The following SEMA6D variants were observed in gnomAD, a reference collection of about 807,000 sequenced individuals.
The protein encoded by SEMA6D is semaphorin 6D.
In SEMA6D, 35 loss-of-function variants were observed where a neutral mutation model predicts 106.6. That is an observed-to-expected ratio of 0.33 (90% CI 0.25 to 0.44). The LOEUF (loss-of-function observed/expected upper bound fraction) is 0.44, where lower values mean the gene tolerates loss of function less well. SEMA6D is among the 20% of genes least tolerant of loss of function. The probability of loss-of-function intolerance (pLI) is 1.00; values close to 1 mark genes in which losing one functional copy is unlikely to be tolerated. For synonymous variants in SEMA6D, 499 were observed against 487.7 expected (o/e 1.02, Z -0.31); for missense variants, 1,185 against 1,345.9 (o/e 0.88, Z 1.87).
chr15:47,768,765 G>A lies in SEMA6D; in HGVS notation c.1933+17G>A, dbSNP rs1391506150. ...TCCCAAAGGGTAAGGCCTCAGCAGGGACCTCATCTCTAACTGCGTGGAAAC... is the reference window on the plus strand; with the variant it reads ...TCCCAAAGGGTAAGGCCTCAGCAGGAACCTCATCTCTAACTGCGTGGAAAC... On this transcript the variant is annotated intron_variant, in intron 18 of 18. Transcript: ENST00000536845. 1 of 1,605,354 alleles carries A rather than the reference G, an allele frequency of 6.2e-7. No individual in the cohort carries two copies. The highest frequency in any genetic ancestry group is 8.5e-7 in the Non-Finnish European group (1 of 1,174,866).
chr15:47,583,953 C>G (rs548159185), intron 3 of SEMA6D, among the ~76,000 whole-genome samples: 1 of 152,248 alleles, frequency 6.6e-6, no homozygotes, highest in East Asian at 1.9e-4. Flanking sequence ...TGCAGTCTCC[C>G]TGTCCTTCTC....
At chr15:47,759,265 A>G (rs1290893111) in intron 1 of SEMA6D, among the ~76,000 whole-genome samples, 1 of 152,158 alleles carries the variant, frequency 6.6e-6, no homozygotes, top group Non-Finnish European at 1.5e-5. Flanking sequence ...CACCATAAGC[A>G]AAGAGCTAAG....
At chr15:47,468,360 G>A (rs1267592072) in intron 2 of SEMA6D, among the ~76,000 whole-genome samples, 5 of 152,182 alleles carry the variant, frequency 3.3e-5, no homozygotes, top group Admixed American at 2.0e-4. Context: ...TGGTAAAATG[G>A]TGTGGAAACA....
At chr15:47,465,787 G>C (rs978295239) in intron 2 of SEMA6D, among the ~76,000 whole-genome samples, 6 of 152,090 alleles carry the variant, frequency 3.9e-5, no homozygotes, top group African/African-American at 1.4e-4. Flanking sequence ...CTGCAGACCT[G>C]AGTCAGTTAA....
At chr15:47,648,982 A>G (rs1596529709) in intron 4 of SEMA6D, among the ~76,000 whole-genome samples, 1 of 152,212 alleles carries the variant, frequency 6.6e-6, no homozygotes, top group South Asian at 2.1e-4. Flanking sequence ...TAGTACATCT[A>G]TATTTGTATT....
At chr15:47,370,683 T>TA (rs376454672) in intron 1 of SEMA6D, among the ~76,000 whole-genome samples, 13,876 of 94,954 alleles carry the variant, frequency 0.15, 1,254 homozygotes, top group African/African-American at 0.25. Context: ...CGTCTCTACT[T>TA]AAAAAAAAAA....
Position 47,773,591 on chromosome 15 carries a change from T to C in SEMA6D, c.*1806T>C, listed in dbSNP as rs1463140156. 6.6e-6 allele frequency: 1 copy of C among 152,368 alleles called. No individual in the cohort carries two copies. Among genetic ancestry groups the C allele is most frequent in the East Asian group, 1.9e-4 (1 of 5,200 alleles). 9.4% of individuals were successfully genotyped at this position (152,368 alleles called of 1,614,324 possible). The stretch of plus-strand genomic sequence containing the variant: ...TACCTATTACTTGGGGGAGGACATG[T>C]TGCAGAAGACCAGATCATTTTTATA... On this transcript the variant is annotated 3_prime_UTR_variant, in exon 19 of 19. Transcript: ENST00000536845.
chr15:47,736,374 A>G lies in SEMA6D; in HGVS notation c.-55+18682A>G, dbSNP rs569513341. Among the ~76,000 whole-genome samples the G allele has an allele frequency of 8.5e-5, 13 of 152,346 alleles. No individual in the cohort carries two copies. The East Asian group carries it at 2.1e-3, about 25-fold the overall frequency. ...AGAATCACCCTTATCTGCTATGATT[A>G]TCTTACGACTGAGAAAAATGCTCAA... is the stretch of plus-strand genomic sequence containing the variant. On this transcript the variant is annotated intron_variant, in intron 1 of 18. Transcript: ENST00000536845.
At chr15:47,482,425 C>G (rs1376330189) in intron 3 of SEMA6D, among the ~76,000 whole-genome samples, 2 of 152,004 alleles carry the variant, frequency 1.3e-5, no homozygotes, top group Non-Finnish European at 2.9e-5. Context: ...TGGAGTGGCA[C>G]CGGAATCCTT....
At chr15:47,689,722 G>A (rs1449796340) in intron 4 of SEMA6D, among the ~76,000 whole-genome samples, 2 of 152,210 alleles carry the variant, frequency 1.3e-5, no homozygotes, top group African/African-American at 4.8e-5. Flanking sequence ...CAGATGCCCT[G>A]CCAACACACT....
intron 1 of SEMA6D, among the ~76,000 whole-genome samples, chr15:47,311,163 T>A (rs2036434750): frequency 6.6e-6 from 1 of 152,238 alleles, no homozygotes; most frequent in Admixed American, 6.5e-5. Context: ...TGCATCTTTC[T>A]ACACATGCAG....
At chr15:47,555,204 G>A (rs1319388341) in intron 3 of SEMA6D, among the ~76,000 whole-genome samples, 1 of 152,092 alleles carries the variant, frequency 6.6e-6, no homozygotes, top group African/African-American at 2.4e-5. Context: ...ATATTTTGCA[G>A]AGCCCAGATG....
chr15:47,197,522 T>G (rs1447256137), intron 1 of SEMA6D, among the ~76,000 whole-genome samples: 1 of 151,222 alleles, frequency 6.6e-6, no homozygotes, highest in African/African-American at 2.4e-5. Flanking sequence ...TTTTTTGTAA[T>G]GAAGACCTAA....
chr15:47,768,536 AT>A, intron 17 of SEMA6D, 44 bp from the exon 18 acceptor site: 4 of 1,442,006 alleles, frequency 2.8e-6, no homozygotes, highest in Non-Finnish European at 3.7e-6. Context: ...ATCAAAAAAA[AT>A]CTTGACACTA....
At chr15:47,651,474 G>A (rs1239785149) in intron 4 of SEMA6D, among the ~76,000 whole-genome samples, 1 of 152,136 alleles carries the variant, frequency 6.6e-6, no homozygotes, top group African/African-American at 2.4e-5. Context: ...GCTCCTATCA[G>A]TGGAAAATAG....
At chr15:47,585,206 G>A (rs1439689082) in intron 3 of SEMA6D, among the ~76,000 whole-genome samples, 1 of 152,174 alleles carries the variant, frequency 6.6e-6, no homozygotes, top group Non-Finnish European at 1.5e-5. Context: ...GGTCTTACTT[G>A]ACGTTTAAGT....
At position 47,768,591 on chromosome 15, in the gene SEMA6D, A is replaced by T; in HGVS notation, c.1776A>T (p.Val592=). Residue 592 remains valine (V), a synonymous_variant, in exon 18 of 19, where the codon GTA becomes GTT. Transcript: ENST00000536845. ...IFGGPTSDME[V]SSSSVTTMAS... The stretch of plus-strand genomic sequence containing the variant: ...TGTTTGCCACCACAGACATGGAGGT[A>T]TCTTCATCTTCTGTTACCACAATGG... The T allele has an allele frequency of 6.2e-7, 1 of 1,610,842 alleles. No individual in the cohort carries two copies. The highest frequency in any genetic ancestry group is 8.5e-7 in the Non-Finnish European group (1 of 1,177,840).
intron 1 of SEMA6D, chr15:47,730,674 G>A: frequency 6.2e-7 from 1 of 1,608,772 alleles, no homozygotes; most frequent in Non-Finnish European, 8.5e-7. Flanking sequence ...CTGTTTGGCG[G>A]TCCAGGGCCT....
chr15:47,654,554 A>G (rs536358700), intron 4 of SEMA6D, among the ~76,000 whole-genome samples: 1 of 152,286 alleles, frequency 6.6e-6, no homozygotes, highest in African/African-American at 2.4e-5. Context: ...TCTCATGTTG[A>G]ATTGTAATTC....
Sources: allele counts gnomAD v4.1 joint callset (sites outside exome capture counted in the v4.1 genomes callset), GRCh38; gene constraint gnomAD v4.1.1; transcripts MANE v1.5; gene names NCBI Gene and HGNC (gene_info 2026-07-23, HGNC 2026-07-21).